SPATA13: variants seen among roughly 807,000 people sequenced by gnomAD.
The protein encoded by SPATA13 is spermatogenesis associated 13.
In SPATA13, 50 loss-of-function variants were observed where a neutral mutation model predicts 104.0. The observed-to-expected ratio is 0.48, with a 90% confidence interval of 0.38 to 0.61. The LOEUF is 0.61. Ranked by LOEUF, SPATA13 falls within the 20% of genes least tolerant of loss-of-function variation. The probability of loss-of-function intolerance (pLI) is 0.00; values close to 1 mark genes in which losing one functional copy is unlikely to be tolerated. For missense variants in SPATA13, 1,524 were observed against 1,690.6 expected, an observed-to-expected ratio of 0.90 and a Z score of 1.73; for synonymous variants, 606 against 667.5, an observed-to-expected ratio of 0.91 and a Z score of 1.42.
At chr13:24,023,185 G>A (rs1047182916) in intron 3 of SPATA13, among the ~76,000 whole-genome samples, 1 of 152,010 alleles carries the variant, frequency 6.6e-6, no homozygotes, top group South Asian at 2.1e-4. Flanking sequence ...TCGGTGTTTG[G>A]TTTTCTGTCT....
chr13:24,244,182 T>A (rs1160222647), intron 2 of SPATA13, among the ~76,000 whole-genome samples: 1 of 152,232 alleles, frequency 6.6e-6, no homozygotes, highest in African/African-American at 2.4e-5. Context: ...TTCGTGTTTG[T>A]CTGTGTCCAA....
chr13:24,116,438 C>A (rs997625357), intron 3 of SPATA13, among the ~76,000 whole-genome samples: 1 of 152,272 alleles, frequency 6.6e-6, no homozygotes, highest in Non-Finnish European at 1.5e-5. Context: ...AAGGCCTGGA[C>A]AGCAGCAGGT....
Position 24,175,870 on chromosome 13 carries a change from A to C in SPATA13, c.-112+14938A>C, listed in dbSNP as rs117044780. ...GCTTCTATGCAGAGCGATTACTAGA[A>C]AACATAAATAAATTTCTCCTTGAAG... On this transcript the variant is annotated intron_variant, in intron 1 of 12. Transcript: ENST00000382108. Among the ~76,000 whole-genome samples the C allele has an allele frequency of 1.9e-3, 297 of 152,342 alleles. 6 individuals carry two copies. In the East Asian group the frequency reaches 0.045, roughly 23 times the overall value.
intron 3 of SPATA13, among the ~76,000 whole-genome samples, chr13:24,077,178 C>T (rs1320376504): frequency 6.7e-6 from 1 of 148,734 alleles, no homozygotes; most frequent in African/African-American, 2.5e-5. Context: ...CCTTAGGGTT[C>T]CATTCCATAA....
At chr13:24,236,272 T>C (rs758160997) in intron 2 of SPATA13, among the ~76,000 whole-genome samples, 8 of 152,130 alleles carry the variant, frequency 5.3e-5, no homozygotes, top group Non-Finnish European at 1.0e-4. Flanking sequence ...ATAAATGATA[T>C]CTTCAACAAC....
chr13:24,123,586 TC>T lies in SPATA13; in HGVS notation c.-111-99231del. Reference sequence around the variant, plus strand: ...CCTATAGTCTTTTGCAGTACCTCTTTCCTCTTACTACAGGCTGTAAACAAAA... The same window carrying T: ...CCTATAGTCTTTTGCAGTACCTCTTTCTCTTACTACAGGCTGTAAACAAAA... On this transcript the variant is annotated intron_variant, in intron 3 of 14. Coordinates refer to the SPATA13 transcript ENST00000424834. 2.5e-6 allele frequency: 4 copies of T among 1,608,482 alleles called. No homozygotes were observed. The Middle Eastern group carries it at 5.6e-4, about 223-fold the overall frequency.
intron 3 of SPATA13, among the ~76,000 whole-genome samples, chr13:24,100,888 T>C (rs576831198): frequency 3.2e-4 from 48 of 152,352 alleles, no homozygotes; most frequent in African/African-American, 1.1e-3. Flanking sequence ...TTGAAAATAA[T>C]TGCAATAATG....
chr13:24,134,136 C>T (rs1198549940), intron 3 of SPATA13, among the ~76,000 whole-genome samples: 1 of 152,144 alleles, frequency 6.6e-6, no homozygotes, highest in African/African-American at 2.4e-5. Context: ...GTGAGAAATG[C>T]CAAGAGAGCT....
chr13:24,051,627 C>T lies in SPATA13; in HGVS notation c.-112+33926C>T, dbSNP rs1878343844. Among the ~76,000 whole-genome samples, 1 of 152,058 alleles carries T rather than the reference C, an allele frequency of 6.6e-6. No homozygotes were observed. The highest frequency in any genetic ancestry group is 2.4e-5 in the African/African-American group (1 of 41,420). ...AGTGGAGCCAGCGGAGACAATGCTC[C>T]CTGTTTGGGGATGGAGGGGTGGGGA... On this transcript the variant is annotated intron_variant, in intron 3 of 14. Coordinates refer to the SPATA13 transcript ENST00000424834. This position sits in a 1 kb window ranked among gnomAD's most constrained non-coding sequence, Gnocchi z 4.2.
intron 3 of SPATA13, among the ~76,000 whole-genome samples, chr13:24,138,707 C>T (rs907027274): frequency 1.3e-5 from 2 of 151,722 alleles, no homozygotes; most frequent in African/African-American, 2.4e-5. Context: ...CCTCAGCCTC[C>T]TGAGTAACTG....
At chr13:24,300,097 C>A (rs1012942547) in intron 11 of SPATA13, among the ~76,000 whole-genome samples, 4 of 152,152 alleles carry the variant, frequency 2.6e-5, no homozygotes, top group Non-Finnish European at 5.9e-5. Flanking sequence ...ATTGGGATGA[C>A]CCTGTGGGAA....
At position 24,229,393 on chromosome 13, in the gene SPATA13, G is replaced by A. The variant is rs562593905; in HGVS notation, c.1653+4811G>A. Among the ~76,000 whole-genome samples the A allele has an allele frequency of 2.6e-5, 4 of 152,236 alleles. No individual in the cohort carries two copies. The South Asian group carries it at 8.3e-4, about 32-fold the overall frequency. ...TTATTAAAAGATCCCTGGCAACCGG[G>A]GCAAACTGTTGAACTTCTCCTGCCG... On this transcript the variant is annotated intron_variant, in intron 2 of 12. Coordinates refer to ENST00000382108, the MANE Select transcript of SPATA13 (RefSeq NM_001166271.3).
At chr13:24,207,064 G>GC (rs1870742167) in intron 1 of SPATA13, among the ~76,000 whole-genome samples, 1 of 152,184 alleles carries the variant, frequency 6.6e-6, no homozygotes, top group African/African-American at 2.4e-5. Context: ...CATGTCCTTT[G>GC]CAGTTATATG....
chr13:24,139,735 C>T (rs541377154), intron 3 of SPATA13, among the ~76,000 whole-genome samples: 44 of 152,274 alleles, frequency 2.9e-4, no homozygotes, highest in Admixed American at 4.6e-4. Context: ...TGATGTAGAA[C>T]GATCTGCTTA....
chr13:24,155,414 C>G (rs771938661), intron 3 of SPATA13, among the ~76,000 whole-genome samples: 13 of 152,016 alleles, frequency 8.6e-5, no homozygotes, highest in Admixed American at 5.9e-4. Flanking sequence ...TCAGGAGTTA[C>G]TCAATTAAAT....
intron 3 of SPATA13, among the ~76,000 whole-genome samples, chr13:24,145,229 C>T (rs984871851): frequency 3.9e-5 from 6 of 152,150 alleles, no homozygotes; most frequent in Non-Finnish European, 8.8e-5. Context: ...CTGAAAGAAT[C>T]TGATTTTTTA....
chr13:24,115,356 T>C (rs1222083191), intron 3 of SPATA13, among the ~76,000 whole-genome samples: 3 of 152,196 alleles, frequency 2.0e-5, no homozygotes, highest in Non-Finnish European at 4.4e-5. Flanking sequence ...CACTGGTCCA[T>C]GGCTTGTTAG....
chr13:24,270,012 G>A (rs747772864), intron 4 of SPATA13, among the ~76,000 whole-genome samples: 5 of 151,928 alleles, frequency 3.3e-5, no homozygotes, highest in Admixed American at 1.3e-4. Context: ...ATGAGCCAGC[G>A]GGCCCAGCTT....
chr13:24,289,278 T>G (rs1443988961), intron 8 of SPATA13, 100 bp downstream of exon 8: 1 of 981,472 alleles, frequency 1.0e-6, no homozygotes, highest in Non-Finnish European at 1.5e-6. Flanking sequence ...ATTGTTTGTT[T>G]GCTAGATGAA....
Sources: allele counts gnomAD v4.1 joint callset (sites outside exome capture counted in the v4.1 genomes callset), GRCh38; gene constraint gnomAD v4.1.1; non-coding constraint Gnocchi (gnomAD v3.1); transcripts MANE v1.5; gene names NCBI Gene and HGNC (gene_info 2026-07-23, HGNC 2026-07-21).